Variants in GTF2A1 observed in about 807,000 individuals in gnomAD.
GTF2A1 encodes general transcription factor IIA subunit 1.
A neutral mutation model predicts 54.1 loss-of-function variants in GTF2A1; 12 were observed. The ratio of observed to expected loss-of-function variants is 0.22; its 90% CI spans 0.14 to 0.36. The LOEUF is 0.36. GTF2A1 is among the 10% of genes least tolerant of loss of function. GTF2A1 has a pLI of 1.00. For missense variants in GTF2A1, 335 were observed against 442.2 expected (o/e 0.76, Z 2.17); for synonymous variants, 145 against 152.0 (o/e 0.95, Z 0.34).
chr14:81,215,480 A>C (rs1464599056), intron 2 of GTF2A1, among the ~76,000 whole-genome samples: 1 of 152,208 alleles, frequency 6.6e-6, no homozygotes, highest in Non-Finnish European at 1.5e-5. Context: ...GAGAACCACT[A>C]TTCTAATCAA....
intron 8 of GTF2A1, among the ~76,000 whole-genome samples, 170 bp from the exon 9 acceptor site, chr14:81,180,500 T>C (rs1892617416): frequency 6.6e-6 from 1 of 152,148 alleles, no homozygotes; most frequent in South Asian, 2.1e-4. Context: ...GGGTCTCCTA[T>C]GTTGTGCAGG....
Position 81,192,743 on chromosome 14 carries a change from G to C in GTF2A1, c.709C>G (p.Pro237Ala), listed in dbSNP as rs1242741904. Residue 237 changes from proline to alanine, a missense_variant, in exon 7 of 9, where the codon CCT (proline) becomes GCT (alanine). Physicochemically the swap from Pro to Ala is conservative, Grantham distance 27. Transcript: ENST00000553612. ...GGTGTAGGTGCTGCCACTGTCGTAG[G>C]TATAACTTGAGTCTTATTTCCTGTA... ...LFTGNKTQVI[P>A]TTVAAPTPAQ... 1 of 1,613,422 alleles carries C rather than the reference G, an allele frequency of 6.2e-7. No homozygotes were observed. Among genetic ancestry groups the C allele is most frequent in the East Asian group, 2.2e-5 (1 of 44,890 alleles).
intron 3 of GTF2A1, among the ~76,000 whole-genome samples, chr14:81,202,201 T>A (rs1893127894): frequency 6.6e-6 from 1 of 152,164 alleles, no homozygotes; most frequent in Non-Finnish European, 1.5e-5. Context: ...TACCTTAACA[T>A]CTAAACATAA....
intron 8 of GTF2A1, 74 bp from the exon 9 acceptor site, chr14:81,180,404 T>TAC (rs531519803): frequency 1.5e-4 from 110 of 732,592 alleles, no homozygotes; most frequent in African/African-American, 1.4e-3. Flanking sequence ...AAAAAACCCA[T>TAC]ACACACACAC....
At chr14:81,193,182 T>A (rs1478707419) in intron 6 of GTF2A1, among the ~76,000 whole-genome samples, 1 of 151,642 alleles carries the variant, frequency 6.6e-6, no homozygotes, top group Non-Finnish European at 1.5e-5. Context: ...TTTTTTTTTT[T>A]TATAGATGGA....
At chr14:81,214,014 T>C (rs1893431799) in intron 2 of GTF2A1, among the ~76,000 whole-genome samples, 1 of 152,118 alleles carries the variant, frequency 6.6e-6, no homozygotes, top group Non-Finnish European at 1.5e-5. Context: ...AGCTAATTTT[T>C]GTATTTTTAG....
intron 2 of GTF2A1, among the ~76,000 whole-genome samples, chr14:81,211,454 AC>A (rs1893361980): frequency 6.6e-6 from 1 of 152,182 alleles, no homozygotes; most frequent in Non-Finnish European, 1.5e-5. Context: ...TCATGGCTCT[AC>A]CATTTATTAG....
chr14:81,214,417 G>C (rs969213498), intron 2 of GTF2A1, among the ~76,000 whole-genome samples: 1 of 151,968 alleles, frequency 6.6e-6, no homozygotes, highest in African/African-American at 2.4e-5. Context: ...AGGCCGAGGT[G>C]GGGGGATCAC....
intron 2 of GTF2A1, among the ~76,000 whole-genome samples, chr14:81,209,332 A>G (rs887713913): frequency 1.3e-5 from 2 of 152,198 alleles, no homozygotes; most frequent in South Asian, 2.1e-4. Context: ...CCAAGTAAGA[A>G]GAGCCTTTCA....
At chr14:81,181,810 G>A (rs920220781) in intron 8 of GTF2A1, among the ~76,000 whole-genome samples, 27 of 152,138 alleles carry the variant, frequency 1.8e-4, no homozygotes, top group African/African-American at 5.8e-4. Context: ...CCAAAGTGCT[G>A]GGATTACAGG....
chr14:81,179,660 A>G lies in GTF2A1; in HGVS notation c.*563T>C, dbSNP rs975952360. 7 of 152,242 alleles carry G rather than the reference A, an allele frequency of 4.6e-5. No individual in the cohort carries two copies. The highest frequency in any genetic ancestry group is 1.2e-4 in the African/African-American group (5 of 41,468). The allele number at this position is 152,242 out of a possible 1,614,324, so 9.4% of individuals were successfully genotyped here. Reference sequence around the variant, plus strand: ...AAATAGATGTTTCATAAAGCTGGAAAGGAAGAGGTATATATCACTGAGGGA... The same window carrying G: ...AAATAGATGTTTCATAAAGCTGGAAGGGAAGAGGTATATATCACTGAGGGA... On this transcript the variant is annotated 3_prime_UTR_variant, in exon 9 of 9. Coordinates refer to ENST00000553612, the MANE Select transcript of GTF2A1 (RefSeq NM_015859.4).
At chr14:81,185,886 C>T (rs189040534) in intron 7 of GTF2A1, among the ~76,000 whole-genome samples, 2 of 152,066 alleles carry the variant, frequency 1.3e-5, no homozygotes, top group Admixed American at 1.3e-4. Flanking sequence ...TTTTTTGAGA[C>T]ACAGTCTCGC....
At chr14:81,218,516 G>A (rs754767676) in intron 1 of GTF2A1, among the ~76,000 whole-genome samples, 2 of 152,132 alleles carry the variant, frequency 1.3e-5, no homozygotes, top group Non-Finnish European at 2.9e-5. Context: ...AGGAGTATTT[G>A]AAATAAGCAA....
intron 8 of GTF2A1, among the ~76,000 whole-genome samples, chr14:81,184,703 C>T (rs1178794946): frequency 6.6e-6 from 1 of 152,172 alleles, no homozygotes; most frequent in African/African-American, 2.4e-5. Context: ...ATGTTCATAA[C>T]TACATCGCCA....
intron 2 of GTF2A1, among the ~76,000 whole-genome samples, chr14:81,212,231 C>T (rs185764754): frequency 1.0e-3 from 152 of 152,244 alleles, no homozygotes; most frequent in Non-Finnish European, 1.0e-3. Flanking sequence ...TTATATCTCC[C>T]ACAGTACTTG....
At chr14:81,209,292 T>C (rs1893309928) in intron 2 of GTF2A1, among the ~76,000 whole-genome samples, 1 of 152,164 alleles carries the variant, frequency 6.6e-6, no homozygotes, top group Admixed American at 6.5e-5. Flanking sequence ...GTTTCCGCTT[T>C]TGCTTCTTCC....
rs560428897 is a variant in GTF2A1, at chr14:81,186,308, T to A, written c.934-688A>T. 5.3e-5 allele frequency among the ~76,000 whole-genome samples: 8 copies of A among 152,290 alleles called. No individual in the cohort carries two copies. The East Asian group carries it at 1.5e-3, about 29-fold the overall frequency. On this transcript the variant is annotated intron_variant, in intron 7 of 8. Coordinates refer to ENST00000553612, the MANE Select transcript of GTF2A1 (RefSeq NM_015859.4). The stretch of plus-strand genomic sequence containing the variant: ...ATAAAACAGAAAACAGTGGAGAAAT[T>A]AGAGGAGAAAAGAAGAGCAATGCAA...
intron 8 of GTF2A1, among the ~76,000 whole-genome samples, chr14:81,185,071 T>C (rs917177581): frequency 2.4e-4 from 37 of 152,334 alleles, no homozygotes; most frequent in African/African-American, 8.9e-4. Context: ...TAAATAATTT[T>C]CAGTAAAAAC....
chr14:81,206,655 T>G (rs1893237649), intron 2 of GTF2A1, among the ~76,000 whole-genome samples: 1 of 152,212 alleles, frequency 6.6e-6, no homozygotes, highest in Non-Finnish European at 1.5e-5. Flanking sequence ...GTTATTCTGA[T>G]GTATGCTAAA....
Sources: gnomAD v4.1 joint callset for allele counts (sites outside exome capture counted in the v4.1 genomes callset) on GRCh38, gnomAD v4.1.1 for gene constraint, MANE v1.5 for transcripts, NCBI Gene and HGNC (gene_info 2026-07-23, HGNC 2026-07-21) for gene names.